Variants in EPM2A observed in about 807,000 individuals in gnomAD.
EPM2A encodes EPM2A glucan phosphatase, laforin, also known as laforin.
In EPM2A, 21 loss-of-function variants were observed where a neutral mutation model predicts 26.5. That is an observed-to-expected ratio of 0.79 (90% confidence interval 0.56 to 1.14). The LOEUF (loss-of-function observed/expected upper bound fraction) is 1.14. Among genes scored for constraint, EPM2A ranks in the 50% most tolerant of loss-of-function variants. The pLI is 0.00. For synonymous variants in EPM2A, 217 were observed against 177.6 expected (o/e 1.22, Z -1.76); for missense variants, 458 against 440.8 (o/e 1.04, Z -0.35).
At chr6:145,659,733 A>G (rs1778550787) in intron 2 of EPM2A, among the ~76,000 whole-genome samples, 1 of 152,222 alleles carries the variant, frequency 6.6e-6, no homozygotes, top group South Asian at 2.1e-4. Context: ...TTATCCATGC[A>G]TAGTGAACTG....
chr6:145,517,189 G>T (rs1257029678), intron 2 of EPM2A, among the ~76,000 whole-genome samples: 1 of 152,148 alleles, frequency 6.6e-6, no homozygotes, highest in Non-Finnish European at 1.5e-5. Flanking sequence ...GTTGCCTAGG[G>T]GAGGGAGAAA....
chr6:145,595,737 A>T (rs190182551), intron 2 of EPM2A, among the ~76,000 whole-genome samples: 1,735 of 152,030 alleles, frequency 0.011, 19 homozygotes, highest in Admixed American at 0.02. Context: ...TTTCCAGAGA[A>T]TTTTTTTTGA....
chr6:145,667,909 C>T (rs1282371743), intron 2 of EPM2A, among the ~76,000 whole-genome samples: 1 of 150,270 alleles, frequency 6.7e-6, no homozygotes, highest in Non-Finnish European at 1.5e-5. Flanking sequence ...TAAACTATCG[C>T]AAGAACAAAA....
At chr6:145,548,759 C>G (rs1047933292) in intron 2 of EPM2A, among the ~76,000 whole-genome samples, 8 of 152,022 alleles carry the variant, frequency 5.3e-5, no homozygotes, top group African/African-American at 1.7e-4. Flanking sequence ...CTTTGTTTTC[C>G]TAAGAGCTAA....
Position 145,698,097 on chromosome 6 carries a change from G to A in EPM2A, c.302-11801C>T, listed in dbSNP as rs146715549. ...ATTTGGGGAACTAATAAATGTCCATGAAATCTTCACAATCCACGTTCTTCT... is the reference window on the plus strand; with the variant it reads ...ATTTGGGGAACTAATAAATGTCCATAAAATCTTCACAATCCACGTTCTTCT... On this transcript the variant is annotated intron_variant, in intron 1 of 3. Coordinates refer to ENST00000367519, the MANE Select transcript of EPM2A (RefSeq NM_005670.4). Among the ~76,000 whole-genome samples the A allele has an allele frequency of 7.7e-3, 1,168 of 152,326 alleles. 20 individuals carry two copies. Among genetic ancestry groups the A allele is most frequent in the African/African-American group, 0.027 (1,108 of 41,566 alleles).
At chr6:145,628,571 T>A (rs1468534761) in intron 3 of EPM2A, 1 of 152,150 alleles carries the variant, frequency 6.6e-6, no homozygotes, top group Non-Finnish European at 1.5e-5. Context: ...TTTCAGCGGG[T>A]GATCAATGTA....
chr6:145,450,862 C>T (rs1056612796), intron 4 of EPM2A, among the ~76,000 whole-genome samples: 1 of 152,120 alleles, frequency 6.6e-6, no homozygotes, highest in African/African-American at 2.4e-5. Flanking sequence ...TTTTCCAACA[C>T]CTTGTAAACT....
At chr6:145,541,092 T>C (rs585292) in intron 2 of EPM2A, among the ~76,000 whole-genome samples, 67,662 of 151,762 alleles carry the variant, frequency 0.45, 15,124 homozygotes, top group South Asian at 0.58. Flanking sequence ...TGAGCAGATG[T>C]CTTGTGACCC....
chr6:145,509,680 A>G (rs958992872), intron 2 of EPM2A, among the ~76,000 whole-genome samples: 4 of 152,176 alleles, frequency 2.6e-5, no homozygotes, highest in African/African-American at 4.8e-5. Flanking sequence ...CATAATCAAG[A>G]CTACAAATCA....
At position 145,442,727 on chromosome 6, in the gene EPM2A, G is replaced by C. The variant is rs202014369; in HGVS notation, c.556-58630C>G. ...CTTTGTCAAAGATCAGATGGTAGTA[G>C]GTGTGTGGCTTTATTTCTGGGCTCT... On this transcript the variant is annotated intron_variant, in intron 4 of 4. Coordinates refer to the EPM2A transcript ENST00000638717. Among the ~76,000 whole-genome samples the C allele has an allele frequency of 2.6e-4, 39 of 151,950 alleles. No individual in the cohort carries two copies. The East Asian group carries it at 6.2e-3, about 24-fold the overall frequency.
chr6:145,479,004 C>A (rs1779579478), intron 4 of EPM2A, among the ~76,000 whole-genome samples: 1 of 151,246 alleles, frequency 6.6e-6, no homozygotes, highest in African/African-American at 2.4e-5. Flanking sequence ...ACTCTGTTCT[C>A]TAATTTGTGA....
intron 2 of EPM2A, among the ~76,000 whole-genome samples, chr6:145,543,022 G>C (rs968489503): frequency 4.1e-5 from 5 of 122,192 alleles, no homozygotes; most frequent in Non-Finnish European, 9.2e-5. Context: ...GCCTCCCAAA[G>C]TGCTGGGATT....
At chr6:145,573,321 G>T (rs1294745804) in intron 2 of EPM2A, among the ~76,000 whole-genome samples, 1 of 152,188 alleles carries the variant, frequency 6.6e-6, no homozygotes, top group Non-Finnish European at 1.5e-5. Context: ...TGCTTCTGGT[G>T]GGCTTTATGG....
chr6:145,510,050 T>A (rs780698677), intron 2 of EPM2A, among the ~76,000 whole-genome samples: 1 of 152,070 alleles, frequency 6.6e-6, no homozygotes, highest in Non-Finnish European at 1.5e-5. Context: ...CGTAAATATA[T>A]GTTTACCCAA....
In EPM2A at chr6:145,426,421, A is replaced by G. The variant is rs535323924; in HGVS notation, c.556-42324T>C. ...TTCCACCATCGATATTGTAGCACAT[A>G]TTATTCCACAATGATTTTTTAAATT... is the stretch of plus-strand genomic sequence containing the variant. On this transcript the variant is annotated intron_variant, in intron 4 of 4. Coordinates refer to the EPM2A transcript ENST00000638717. Among the ~76,000 whole-genome samples the G allele has an allele frequency of 2.0e-5, 3 of 152,380 alleles. No homozygotes were observed. In the South Asian group the frequency reaches 6.2e-4, roughly 32 times the overall value.
chr6:145,452,312 G>C (rs1184237821), intron 4 of EPM2A, among the ~76,000 whole-genome samples: 2 of 151,640 alleles, frequency 1.3e-5, no homozygotes, highest in Non-Finnish European at 2.9e-5. Context: ...CATCTCCAAG[G>C]GCCTTTTCAG....
chr6:145,603,355 A>C (rs764738548), intron 2 of EPM2A, among the ~76,000 whole-genome samples: 1 of 151,398 alleles, frequency 6.6e-6, no homozygotes, highest in Non-Finnish European at 1.5e-5. Context: ...TTGGATGAGA[A>C]GTTATTCTTG....
At chr6:145,665,988 T>C (rs1280508103) in intron 2 of EPM2A, among the ~76,000 whole-genome samples, 1 of 145,704 alleles carries the variant, frequency 6.9e-6, no homozygotes, top group Non-Finnish European at 1.5e-5. Flanking sequence ...AAACTCTCAA[T>C]AAATTAGGTA....
chr6:145,403,752 T>G (rs1006635325), intron 4 of EPM2A, among the ~76,000 whole-genome samples: 1 of 152,148 alleles, frequency 6.6e-6, no homozygotes, highest in African/African-American at 2.4e-5. Context: ...TTTAATATAA[T>G]GATTTCCTTT....
Sources: gnomAD v4.1 joint callset for allele counts (sites outside exome capture counted in the v4.1 genomes callset) on GRCh38, gnomAD v4.1.1 for gene constraint, MANE v1.5 for transcripts, NCBI Gene and HGNC (gene_info 2026-07-23, HGNC 2026-07-21) for gene names.